Variants in EXOC6B observed in about 807,000 individuals in gnomAD.
The protein encoded by EXOC6B is exocyst complex component 6B.
EXOC6B carries 54 observed loss-of-function variants against 113.5 expected under a neutral mutation model. The ratio of observed to expected loss-of-function variants is 0.48; its 90% CI spans 0.38 to 0.60. EXOC6B has a LOEUF of 0.60. EXOC6B is among the 20% of genes least tolerant of loss of function. The pLI, the probability that EXOC6B is intolerant of heterozygous loss-of-function variation, is 0.00. For missense variants in EXOC6B, 797 were observed against 977.5 expected (o/e 0.82, Z 2.46); for synonymous variants, 357 against 339.0 (o/e 1.05, Z -0.58).
intron 8 of EXOC6B, among the ~76,000 whole-genome samples, chr2:72,556,855 A>G (rs1703575096): frequency 6.6e-6 from 1 of 152,116 alleles, no homozygotes; most frequent in Non-Finnish European, 1.5e-5. Context: ...GACATAGTTT[A>G]GAGTCTGGTG....
At chr2:72,715,908 T>C (rs1053678734) in intron 6 of EXOC6B, among the ~76,000 whole-genome samples, 42 of 152,090 alleles carry the variant, frequency 2.8e-4, no homozygotes, top group African/African-American at 8.7e-4. Flanking sequence ...CATTGGACTG[T>C]TGCCCCCTAA....
chr2:72,665,114 G>C (rs1173321451), intron 6 of EXOC6B, among the ~76,000 whole-genome samples: 6 of 152,132 alleles, frequency 3.9e-5, no homozygotes, highest in Non-Finnish European at 7.3e-5. Flanking sequence ...AGTGCACCCT[G>C]TTTGCCAGCC....
In EXOC6B at chr2:72,760,596, T is replaced by C. The variant is rs149202714; in HGVS notation, c.114-19127A>G. ...GCATGTAGACAAGTTAATTTAACAC[T>C]GAAGAAGAAAAGAAAAAAGACCTGA... On this transcript the variant is annotated intron_variant, in intron 1 of 21. Transcript: ENST00000272427. The C allele has an allele frequency of 7.4e-3, 1,195 of 160,682 alleles. 9 individuals carry two copies. Among genetic ancestry groups the C allele is most frequent in the Non-Finnish European group, 0.011 (796 of 72,908 alleles). 10.0% of individuals were successfully genotyped at this position (160,682 alleles called of 1,614,324 possible). A position where few individuals can be genotyped will look rare whatever the true frequency, so the allele number is the denominator to read the frequency against.
At chr2:72,513,315 G>A (rs781239286) in intron 10 of EXOC6B, 63 bp from the exon 11 acceptor site, 66 of 1,592,402 alleles carry the variant, frequency 4.1e-5, no homozygotes, top group Non-Finnish European at 5.4e-5. Flanking sequence ...CTCTCTCTGG[G>A]GTTTGACAAG....
intron 6 of EXOC6B, among the ~76,000 whole-genome samples, chr2:72,643,834 T>C (rs1235244906): frequency 7.7e-5 from 11 of 143,204 alleles, no homozygotes; most frequent in Non-Finnish European, 1.4e-4. Context: ...AATAAATAAA[T>C]AAAAAAGAAA....
At chr2:72,306,272 G>A (rs1686852358) in intron 20 of EXOC6B, among the ~76,000 whole-genome samples, 1 of 152,284 alleles carries the variant, frequency 6.6e-6, no homozygotes, top group East Asian at 1.9e-4. Flanking sequence ...CTGAAACTGA[G>A]TTCTAGAGAG....
At chr2:72,822,690 A>G (rs1573854747) in intron 1 of EXOC6B, among the ~76,000 whole-genome samples, 1 of 152,192 alleles carries the variant, frequency 6.6e-6, no homozygotes, top group Non-Finnish European at 1.5e-5. Context: ...GGATATACTA[A>G]TCTAATATCT....
intron 15 of EXOC6B, among the ~76,000 whole-genome samples, chr2:72,493,130 G>C (rs1257003102): frequency 1.3e-5 from 2 of 151,974 alleles, no homozygotes; most frequent in African/African-American, 4.8e-5. Context: ...AATACATTAA[G>C]ACTTTAGTTG....
intron 20 of EXOC6B, among the ~76,000 whole-genome samples, chr2:72,308,418 G>T (rs1360341274): frequency 6.6e-6 from 1 of 152,170 alleles, no homozygotes; most frequent in Non-Finnish European, 1.5e-5. Flanking sequence ...GGACAGTGAT[G>T]AAATAAATAA....
intron 6 of EXOC6B, among the ~76,000 whole-genome samples, chr2:72,709,817 C>A (rs1010985478): frequency 6.6e-6 from 1 of 151,456 alleles, no homozygotes; most frequent in African/African-American, 2.4e-5. Flanking sequence ...TTATGAGAAC[C>A]AATATAGGGT....
At chr2:72,404,137 T>A (rs1035683938) in intron 18 of EXOC6B, among the ~76,000 whole-genome samples, 21 of 152,140 alleles carry the variant, frequency 1.4e-4, no homozygotes, top group Admixed American at 1.3e-3. Context: ...GATATCAAAC[T>A]GCAAGGCAGC....
chr2:72,754,384 T>A (rs1264333761), intron 1 of EXOC6B, among the ~76,000 whole-genome samples: 1 of 152,042 alleles, frequency 6.6e-6, no homozygotes, highest in African/African-American at 2.4e-5. Flanking sequence ...TTTTCCCAAA[T>A]GACACCAATT....
chr2:72,464,165 T>C (rs1403228186), intron 18 of EXOC6B: 1 of 152,168 alleles, frequency 6.6e-6, no homozygotes, highest in African/African-American at 2.4e-5. Flanking sequence ...TCATTAGGGA[T>C]GGTAAAGTAA....
chr2:72,687,301 ATATGCAACC>A (rs770399328), intron 6 of EXOC6B, among the ~76,000 whole-genome samples: 1 of 152,150 alleles, frequency 6.6e-6, no homozygotes, highest in Non-Finnish European at 1.5e-5. Flanking sequence ...CTGGGGCACT[ATATGCAACC>A]TAACATTTTG....
At chr2:72,664,722 G>T (rs1675269226) in intron 6 of EXOC6B, among the ~76,000 whole-genome samples, 1 of 152,214 alleles carries the variant, frequency 6.6e-6, no homozygotes, top group Non-Finnish European at 1.5e-5. Context: ...CTATTCTGCA[G>T]TCCCCCTGCC....
chr2:72,773,981 CA>C, intron 1 of EXOC6B, among the ~76,000 whole-genome samples: 1 of 152,146 alleles, frequency 6.6e-6, no homozygotes, highest in East Asian at 1.9e-4. Context: ...GAAACCACAT[CA>C]GTAAATTTTT....
intron 6 of EXOC6B, among the ~76,000 whole-genome samples, chr2:72,677,194 T>G (rs1281726358): frequency 1.3e-5 from 2 of 152,062 alleles, no homozygotes; most frequent in Non-Finnish European, 1.5e-5. Flanking sequence ...AGAACTTCCT[T>G]CCTGTAGTTG....
chr2:72,211,269 C>G (rs866030683), intron 20 of EXOC6B, among the ~76,000 whole-genome samples: 1 of 152,082 alleles, frequency 6.6e-6, no homozygotes, highest in African/African-American at 2.4e-5. Context: ...AGTTTTTGGA[C>G]TAATTGATTT....
chr2:72,242,522 G>A (rs1037436270), intron 20 of EXOC6B, among the ~76,000 whole-genome samples: 13 of 152,056 alleles, frequency 8.5e-5, no homozygotes, highest in Non-Finnish European at 1.9e-4. Context: ...TTATTGAAAT[G>A]TTCAATTAAA....
Sources: gnomAD v4.1 joint callset for allele counts (sites outside exome capture counted in the v4.1 genomes callset) on GRCh38, gnomAD v4.1.1 for gene constraint, MANE v1.5 for transcripts, NCBI Gene and HGNC (gene_info 2026-07-23, HGNC 2026-07-21) for gene names.